The following CNTNAP4 variants were observed in gnomAD, a reference collection of about 807,000 sequenced individuals.
The protein encoded by CNTNAP4 is contactin-associated protein-like 4.
Under a neutral mutation model 148.4 loss-of-function variants are expected in CNTNAP4, and 98 were observed. The ratio of observed to expected loss-of-function variants is 0.66; its 90% confidence interval spans 0.56 to 0.78. The LOEUF is 0.78. Among genes scored for constraint, CNTNAP4 ranks in the 30% least tolerant of loss-of-function variants. The probability of loss-of-function intolerance (pLI) is 0.00; values close to 1 mark genes in which losing one functional copy is unlikely to be tolerated. For missense variants in CNTNAP4, 1,935 were observed against 1,565.6 expected (o/e 1.24, Z -3.98); for synonymous variants, 730 against 565.1 (o/e 1.29, Z -4.14).
At chr16:76,444,655 A>T (rs1478555946) in intron 4 of CNTNAP4, among the ~76,000 whole-genome samples, 19 of 152,200 alleles carry the variant, frequency 1.2e-4, no homozygotes, top group Admixed American at 2.6e-4. Context: ...TTTTTAAAGT[A>T]TATCAAATGG....
At chr16:76,438,923 T>G (rs1204428610) in intron 4 of CNTNAP4, among the ~76,000 whole-genome samples, 1 of 152,246 alleles carries the variant, frequency 6.6e-6, no homozygotes, top group South Asian at 2.1e-4. Flanking sequence ...TCTGTACATG[T>G]GTACATTTGT....
chr16:76,522,020 T>G lies in CNTNAP4; in HGVS notation c.2537-19T>G. The G allele has an allele frequency of 6.2e-7, 1 of 1,611,778 alleles. No homozygotes were observed. Among genetic ancestry groups the G allele is most frequent in the Non-Finnish European group, 8.5e-7 (1 of 1,177,882 alleles). On this transcript the variant is annotated intron_variant, in intron 16 of 23. Transcript: ENST00000611870. ...CCATAGGAACTCACTAGAACAATCT[T>G]TATGTGTAATATTTCCAGCTCCGAC... is the stretch of plus-strand genomic sequence containing the variant.
chr16:76,326,967 A>G (rs1047981291), intron 2 of CNTNAP4, among the ~76,000 whole-genome samples: 3 of 146,250 alleles, frequency 2.1e-5, no homozygotes, highest in South Asian at 2.1e-4. Flanking sequence ...TAAAAAATAC[A>G]AAAAAAAAAG....
intron 2 of CNTNAP4, among the ~76,000 whole-genome samples, chr16:76,318,156 G>C (rs11864760): frequency 0.033 from 5,002 of 152,188 alleles, 298 homozygotes; most frequent in African/African-American, 0.12. Flanking sequence ...GCTAATCCTA[G>C]AATAAGGTCT....
chr16:76,280,120 T>A (rs1463343190), intron 1 of CNTNAP4, among the ~76,000 whole-genome samples: 7 of 152,152 alleles, frequency 4.6e-5, no homozygotes, highest in Non-Finnish European at 8.8e-5. Flanking sequence ...AATAACTGAA[T>A]ATAAATAAAT....
chr16:76,335,661 C>T (rs1963956810), intron 2 of CNTNAP4, among the ~76,000 whole-genome samples: 1 of 152,070 alleles, frequency 6.6e-6, no homozygotes, highest in Non-Finnish European at 1.5e-5. Flanking sequence ...GCTTAGGGTA[C>T]GAGCTTGGAG....
intron 2 of CNTNAP4, among the ~76,000 whole-genome samples, chr16:76,335,298 A>T (rs1388137572): frequency 1.3e-5 from 2 of 152,162 alleles, no homozygotes; most frequent in Non-Finnish European, 2.9e-5. Flanking sequence ...TGATGTAGAA[A>T]TAGACACAAT....
chr16:76,541,071 A>G (rs1018035695), intron 21 of CNTNAP4, among the ~76,000 whole-genome samples: 4 of 152,230 alleles, frequency 2.6e-5, no homozygotes, highest in African/African-American at 9.6e-5. Flanking sequence ...CACATTTCAA[A>G]AATATTAAAT....
At chr16:76,332,549 T>C (rs1173078372) in intron 2 of CNTNAP4, among the ~76,000 whole-genome samples, 1 of 152,066 alleles carries the variant, frequency 6.6e-6, no homozygotes, top group Non-Finnish European at 1.5e-5. Flanking sequence ...TTTTTTTTTA[T>C]AATTCACTTT....
At chr16:76,326,938 TTAAAG>T (rs1353983031) in intron 2 of CNTNAP4, among the ~76,000 whole-genome samples, 12 of 151,382 alleles carry the variant, frequency 7.9e-5, no homozygotes, top group African/African-American at 2.4e-4. Flanking sequence ...ACCCTAAAAC[TTAAAG>T]TAAGAATAAA....
intron 19 of CNTNAP4, 129 bp from the exon 20 acceptor site, chr16:76,539,590 A>G (rs887823275): frequency 2.7e-6 from 2 of 740,028 alleles, no homozygotes; most frequent in Non-Finnish European, 4.4e-6. Context: ...CTTGGGGATT[A>G]TAAAAAGGTA....
chr16:76,447,380 G>A (rs192978887), intron 4 of CNTNAP4, among the ~76,000 whole-genome samples: 75 of 143,348 alleles, frequency 5.2e-4, no homozygotes, highest in Non-Finnish European at 8.2e-4. Flanking sequence ...GAGAAATTTA[G>A]GAATACATTT....
At chr16:76,299,236 TG>T (rs1430863436) in intron 1 of CNTNAP4, among the ~76,000 whole-genome samples, 1 of 152,126 alleles carries the variant, frequency 6.6e-6, no homozygotes, top group Non-Finnish European at 1.5e-5. Flanking sequence ...AGAAAATTTT[TG>T]CAACCTACTC....
At chr16:76,335,332 C>T (rs1963926809) in intron 2 of CNTNAP4, among the ~76,000 whole-genome samples, 1 of 152,114 alleles carries the variant, frequency 6.6e-6, no homozygotes, top group Non-Finnish European at 1.5e-5. Flanking sequence ...CTTCATCTCC[C>T]ACCTAGCTCA....
chr16:76,352,752 G>C (rs759790434), intron 2 of CNTNAP4, among the ~76,000 whole-genome samples: 1 of 152,190 alleles, frequency 6.6e-6, no homozygotes, highest in Non-Finnish European at 1.5e-5. Flanking sequence ...GATGGAGGAA[G>C]CATTGATTCA....
At chr16:76,442,300 C>T (rs983813244) in intron 4 of CNTNAP4, among the ~76,000 whole-genome samples, 5 of 152,076 alleles carry the variant, frequency 3.3e-5, no homozygotes, top group Non-Finnish European at 7.4e-5. Context: ...GGAAAAAGCT[C>T]CTGCCAACAC....
intron 3 of CNTNAP4, among the ~76,000 whole-genome samples, chr16:76,367,633 C>T (rs1169935608): frequency 6.6e-6 from 1 of 152,156 alleles, no homozygotes. Context: ...AAAGGGCAGG[C>T]AACCACACAG....
intron 15 of CNTNAP4, among the ~76,000 whole-genome samples, chr16:76,504,959 A>C (rs949837635): frequency 6.6e-6 from 1 of 152,150 alleles, no homozygotes; most frequent in African/African-American, 2.4e-5. Flanking sequence ...AAAAACCCCA[A>C]AATATAACAA....
chr16:76,421,260 T>A (rs1479881709), intron 3 of CNTNAP4, among the ~76,000 whole-genome samples: 1 of 152,088 alleles, frequency 6.6e-6, no homozygotes. Flanking sequence ...TTAATAATAT[T>A]CAGTATTTTT....
Sources: gnomAD v4.1 joint callset for allele counts (sites outside exome capture counted in the v4.1 genomes callset) on GRCh38, gnomAD v4.1.1 for gene constraint, MANE v1.5 for transcripts, NCBI Gene and HGNC (gene_info 2026-07-23, HGNC 2026-07-21) for gene names.